Variants in CLASP1 observed in about 807,000 individuals in gnomAD.
CLASP1 encodes the protein cytoplasmic linker associated protein 1, also known as CLIP-associating protein 1.
Under a neutral mutation model 192.3 loss-of-function variants are expected in CLASP1, and 38 were observed. That is an observed-to-expected ratio of 0.20 (90% CI 0.15 to 0.26). The LOEUF is 0.26. Among genes scored for constraint, CLASP1 ranks in the 10% least tolerant of loss-of-function variants. CLASP1 has a pLI of 1.00. For synonymous variants in CLASP1, 691 were observed against 712.8 expected (o/e 0.97, Z 0.49); for missense variants, 1,433 against 1,932.5 (o/e 0.74, Z 4.85).
At chr2:121,642,744 A>C (rs974138136) in intron 1 of CLASP1, among the ~76,000 whole-genome samples, 1 of 152,178 alleles carries the variant, frequency 6.6e-6, no homozygotes, top group African/African-American at 2.4e-5. Flanking sequence ...AAAAAATCTC[A>C]AACAGTTTAC....
intron 13 of CLASP1, among the ~76,000 whole-genome samples, chr2:121,458,235 A>T (rs1257914555): frequency 6.6e-6 from 1 of 152,214 alleles, no homozygotes; most frequent in East Asian, 1.9e-4. Flanking sequence ...TCAAGCCTCA[A>T]AGTTTCAAGA....
chr2:121,562,136 T>G (rs564370949), intron 2 of CLASP1, among the ~76,000 whole-genome samples: 1 of 152,316 alleles, frequency 6.6e-6, no homozygotes, highest in Admixed American at 6.5e-5. Context: ...AGAAACAGCT[T>G]GACAATCTTT....
chr2:121,477,442 A>T (rs187771142), intron 8 of CLASP1, among the ~76,000 whole-genome samples: 23 of 152,348 alleles, frequency 1.5e-4, no homozygotes, highest in African/African-American at 4.6e-4. Context: ...GCTAGAAAGA[A>T]ATGTATATCC....
intron 26 of CLASP1, chr2:121,403,343 G>A: frequency 2.2e-6 from 1 of 454,032 alleles, no homozygotes; most frequent in Non-Finnish European, 4.4e-6. Context: ...CAGGTACTCA[G>A]TAAATGTTAA....
intron 19 of CLASP1, among the ~76,000 whole-genome samples, chr2:121,437,662 T>C (rs772246592): frequency 9.2e-5 from 14 of 152,238 alleles, no homozygotes; most frequent in Admixed American, 3.9e-4. Context: ...AGAGTTAAGA[T>C]GGGCAAATTT....
exon 9 of CLASP1, chr2:121,469,915 G>A: frequency 6.2e-7 from 1 of 1,613,646 alleles, no homozygotes; most frequent in Non-Finnish European, 8.5e-7. Flanking sequence ...ACTAGCAGAG[G>A]AAGGTCTGTT....
chr2:121,461,825 C>A (rs1456994836), intron 10 of CLASP1, among the ~76,000 whole-genome samples: 1 of 152,150 alleles, frequency 6.6e-6, no homozygotes, highest in Non-Finnish European at 1.5e-5. Flanking sequence ...GAACTATAGG[C>A]ACAAGCCACC....
chr2:121,599,587 C>CAAAAAA, intron 2 of CLASP1, among the ~76,000 whole-genome samples: 1 of 41,198 alleles, frequency 2.4e-5, no homozygotes, highest in Non-Finnish European at 4.8e-5. Flanking sequence ...GACTCCATCT[C>CAAAAAA]AAAAAAAAAA....
exon 34 of CLASP1, chr2:121,377,555 T>G: frequency 6.2e-7 from 1 of 1,600,802 alleles, no homozygotes; most frequent in Non-Finnish European, 8.5e-7. Context: ...TCTTCTTGGC[T>G]TCGAAAACTA....
At chr2:121,464,040 C>T (rs1420996413) in intron 9 of CLASP1, among the ~76,000 whole-genome samples, 1 of 140,022 alleles carries the variant, frequency 7.1e-6, no homozygotes, top group Non-Finnish European at 1.5e-5. Context: ...GTTCCCCTTC[C>T]TGTGTCCATG....
chr2:121,487,903 C>T (rs987048268), intron 8 of CLASP1, among the ~76,000 whole-genome samples: 2 of 152,348 alleles, frequency 1.3e-5, no homozygotes, highest in South Asian at 2.1e-4. Flanking sequence ...TGGGTTAAAA[C>T]TCAACAATAC....
At chr2:121,602,047 C>T (rs768188880) in intron 2 of CLASP1, among the ~76,000 whole-genome samples, 3 of 151,842 alleles carry the variant, frequency 2.0e-5, no homozygotes, top group Admixed American at 6.6e-5. Flanking sequence ...TGGTGGTGCA[C>T]GCCTGCAGTA....
rs574015103 is a variant in CLASP1 at position 121,403,447 on chromosome 2, T to C, written c.2733+924A>G. ...GATAGGAAAAGAAAGAAGATGATGA[T>C]GACTAACTGGCTGGGCTCTCTGGCC... On this transcript the variant is annotated intron_variant, in intron 26 of 39. Coordinates refer to ENST00000263710, the Ensembl canonical transcript of CLASP1. 1.1e-4 allele frequency: 48 copies of C among 456,682 alleles called. 1 individual carries two copies. Among genetic ancestry groups the C allele is most frequent in the African/African-American group, 9.0e-4 (45 of 50,184 alleles). The allele number at this position is 456,682 out of a possible 1,614,324, so 28.3% of individuals were successfully genotyped here.
intron 19 of CLASP1, among the ~76,000 whole-genome samples, chr2:121,439,018 G>C (rs1191128913): frequency 2.0e-5 from 3 of 149,526 alleles, no homozygotes; most frequent in Non-Finnish European, 4.5e-5. Context: ...TCCTGTTATT[G>C]GTCTATTCAG....
In CLASP1 at chr2:121,570,841, T is replaced by G. The variant is rs538834278; in HGVS notation, c.195+34860A>C. 3.9e-3 allele frequency among the ~76,000 whole-genome samples: 598 copies of G among 152,260 alleles called. 5 individuals are homozygous for G. Among genetic ancestry groups the G allele is most frequent in the Non-Finnish European group, 5.9e-3 (403 of 68,026 alleles). ...ACTCATTTTCTGGATTTACTGGATATGAAGGAAACAAGGAATATTCCTGGC... is the reference window on the plus strand; with the variant it reads ...ACTCATTTTCTGGATTTACTGGATAGGAAGGAAACAAGGAATATTCCTGGC... On this transcript the variant is annotated intron_variant, in intron 2 of 39. Coordinates refer to ENST00000263710, the Ensembl canonical transcript of CLASP1.
At chr2:121,528,905 A>C in intron 3 of CLASP1, 125 bp from the exon 4 acceptor site, 3 of 744,570 alleles carry the variant, frequency 4.0e-6, no homozygotes, top group Non-Finnish European at 4.7e-6. Context: ...TCATTCTAAA[A>C]CCACTCATCT....
At chr2:121,420,956 C>G (rs937314077) in intron 22 of CLASP1, among the ~76,000 whole-genome samples, 1 of 152,236 alleles carries the variant, frequency 6.6e-6, no homozygotes, top group South Asian at 2.1e-4. Flanking sequence ...GGTTTACCCC[C>G]CTCCGGTATT....
At chr2:121,530,592 G>T (rs2094754650) in intron 2 of CLASP1, 3 of 532,644 alleles carry the variant, frequency 5.6e-6, no homozygotes, top group South Asian at 2.7e-5. Context: ...AGCTGCGGGT[G>T]GAGTTCAAGA....
chr2:121,416,402 C>T (rs939922003), intron 23 of CLASP1, among the ~76,000 whole-genome samples: 1 of 152,132 alleles, frequency 6.6e-6, no homozygotes, highest in Non-Finnish European at 1.5e-5. Flanking sequence ...AATATAAGTA[C>T]TGTCATTCTT....
Sources: allele counts gnomAD v4.1 joint callset (sites outside exome capture counted in the v4.1 genomes callset), GRCh38; gene constraint gnomAD v4.1.1; transcripts MANE v1.5; gene names NCBI Gene and HGNC (gene_info 2026-07-23, HGNC 2026-07-21).